The following RBBP7 variants were observed in gnomAD, a reference collection of about 807,000 sequenced individuals.
The protein encoded by RBBP7 is histone-binding protein RBBP7.
A neutral mutation model predicts 35.2 loss-of-function variants in RBBP7; 5 were observed. The observed-to-expected ratio is 0.14, with a 90% CI of 0.07 to 0.30. RBBP7 has a LOEUF of 0.30. Ranked by LOEUF, RBBP7 falls within the 10% of genes least tolerant of loss-of-function variation. RBBP7 has a pLI of 1.00. For synonymous variants in RBBP7, 140 were observed against 118.7 expected (o/e 1.18, Z -1.17); for missense variants, 155 against 327.5 (o/e 0.47, Z 4.07).
chrX:16,859,144 T>A (rs1361548433), intron 3 of RBBP7, among the ~76,000 whole-genome samples: 2 of 112,867 alleles, frequency 1.8e-5, no homozygotes, highest in African/African-American at 6.4e-5. Flanking sequence ...GATATAGTTA[T>A]TCACTGAAAT....
chrX:16,856,308 T>C (rs749646933), intron 5 of RBBP7, among the ~76,000 whole-genome samples: 18 of 111,232 alleles, frequency 1.6e-4, no homozygotes, highest in Non-Finnish European at 2.3e-4. Flanking sequence ...GGCAGGAGGA[T>C]TGCTTGAGCC....
At position 16,863,119 on chromosome X, in the gene RBBP7, A is replaced by G. The variant is rs1432615713; in HGVS notation, c.162-19T>C. ...TTCAGGTCTGTTTAAGAAAGAAAATAAGTCACACTAATCCTACAAGAAATC... is the reference window on the plus strand; with the variant it reads ...TTCAGGTCTGTTTAAGAAAGAAAATGAGTCACACTAATCCTACAAGAAATC... On this transcript the variant is annotated intron_variant, in intron 2 of 11. Transcript: ENST00000380087. 5 of 1,192,810 alleles carry G rather than the reference A, an allele frequency of 4.2e-6. No individual in the cohort carries two copies. Among genetic ancestry groups the G allele is most frequent in the African/African-American group, 1.8e-5 (1 of 56,887 alleles).
intron 4 of RBBP7, among the ~76,000 whole-genome samples, 171 bp downstream of exon 4, chrX:16,858,505 C>A (rs1336207359): frequency 8.9e-6 from 1 of 111,870 alleles, no homozygotes; most frequent in Non-Finnish European, 1.9e-5. Context: ...TTAGTATAAG[C>A]TGCTTTTAGG....
At chrX:16,855,432 A>G (rs965049790) in intron 5 of RBBP7, among the ~76,000 whole-genome samples, 1 of 111,762 alleles carries the variant, frequency 8.9e-6, no homozygotes, top group Admixed American at 9.5e-5. Flanking sequence ...TACACAATAC[A>G]TATGCCCTCA....
At position 16,858,855 on chromosome X, in the gene RBBP7, G is replaced by A; in HGVS notation, c.308-6C>T. ...AGAACCAAAGCCACCAAATTCTAAT[G>A]TGAGGAGAAAGAAACACACACACAC... On this transcript the variant is annotated splice_region_variant and splice_polypyrimidine_tract_variant and intron_variant, in intron 3 of 11. Coordinates refer to ENST00000380087, the MANE Select transcript of RBBP7 (RefSeq NM_002893.4). 1 of 1,209,090 alleles carries A rather than the reference G, an allele frequency of 8.3e-7. No individual in the cohort carries two copies. Among genetic ancestry groups the A allele is most frequent in the Non-Finnish European group, 1.1e-6 (1 of 893,843 alleles).
Position 16,844,957 on chromosome X carries a change from C to T in RBBP7, c.*78G>A. ...CACCCCACTTACATTTCCTACTATA[C>T]AATGCCTTTTTGGCGCTTGATAAAT... On this transcript the variant is annotated 3_prime_UTR_variant, in exon 12 of 12. Coordinates refer to ENST00000380087, the MANE Select transcript of RBBP7 (RefSeq NM_002893.4). 1 of 938,862 alleles carries T rather than the reference C, an allele frequency of 1.1e-6. No individual in the cohort carries two copies. Among genetic ancestry groups the T allele is most frequent in the Non-Finnish European group, 1.5e-6 (1 of 653,479 alleles). 77.4% of individuals were successfully genotyped at this position (938,862 alleles called of 1,213,427 possible).
chrX:16,845,286 C>A lies in RBBP7; in HGVS notation c.1210-183G>T, dbSNP rs140423015. ...AAAATTCTTTGCCAGTGTGTAATTC[C>A]GTATGTATACTTAGCCACCCATCGA... is the stretch of plus-strand genomic sequence containing the variant. On this transcript the variant is annotated intron_variant, in intron 11 of 11. Coordinates refer to ENST00000380087, the MANE Select transcript of RBBP7 (RefSeq NM_002893.4). 9.3e-3 allele frequency among the ~76,000 whole-genome samples: 1,041 copies of A among 112,291 alleles called. 9 individuals carry two copies. Among genetic ancestry groups the A allele is most frequent in the African/African-American group, 0.032 (992 of 30,925 alleles).
chrX:16,865,748 C>T (rs1412465515), intron 2 of RBBP7, among the ~76,000 whole-genome samples: 2 of 112,121 alleles, frequency 1.8e-5, no homozygotes, highest in Non-Finnish European at 3.8e-5. Context: ...ATAAATCTGG[C>T]CTATTGCAAG....
chrX:16,863,377 G>A (rs1930522226), intron 2 of RBBP7, among the ~76,000 whole-genome samples: 1 of 111,529 alleles, frequency 9.0e-6, no homozygotes, highest in Non-Finnish European at 1.9e-5. Flanking sequence ...ACCTTTTATA[G>A]AGCAGCACTC....
At chrX:16,855,829 T>C (rs1184602636) in intron 5 of RBBP7, among the ~76,000 whole-genome samples, 1 of 107,587 alleles carries the variant, frequency 9.3e-6, no homozygotes, top group African/African-American at 3.4e-5. Context: ...AAACTCCATC[T>C]CTACAAAGAA....
chrX:16,854,362 G>T (rs998445872), intron 5 of RBBP7, among the ~76,000 whole-genome samples: 3 of 110,731 alleles, frequency 2.7e-5, no homozygotes, highest in African/African-American at 9.9e-5. Flanking sequence ...TAATGAGGGG[G>T]AGGGGAGACT....
At chrX:16,864,526 C>CA (rs61357554) in intron 2 of RBBP7, among the ~76,000 whole-genome samples, 3,365 of 26,027 alleles carry the variant, frequency 0.13, 121 homozygotes, top group Non-Finnish European at 0.17. Context: ...ACTCCGTCTC[C>CA]AAAAAAAAAA....
intron 5 of RBBP7, among the ~76,000 whole-genome samples, chrX:16,854,271 CAA>C (rs1930291170): frequency 9.0e-6 from 1 of 111,219 alleles, no homozygotes; most frequent in South Asian, 3.8e-4. Flanking sequence ...GAGGTAAACA[CAA>C]GAGAGAAAAT....
chrX:16,849,158 G>A (rs1461944876), intron 10 of RBBP7, 86 bp downstream of exon 10: 20 of 912,635 alleles, frequency 2.2e-5, no homozygotes, highest in East Asian at 6.8e-5. Flanking sequence ...GCTAGAATTC[G>A]AAGTTCTGAC....
chrX:16,866,406 A>G (rs1206599930), intron 2 of RBBP7, among the ~76,000 whole-genome samples: 1 of 106,802 alleles, frequency 9.4e-6, no homozygotes, highest in African/African-American at 3.4e-5. Context: ...CAAACCTGTA[A>G]TCCCAGCTAC....
chrX:16,846,025 T>C, intron 10 of RBBP7, 87 bp from the exon 11 acceptor site: 2 of 1,121,944 alleles, frequency 1.8e-6, no homozygotes, highest in Non-Finnish European at 2.4e-6. Context: ...GAGCTATCAG[T>C]ATTTCAACTG....
intron 1 of RBBP7, chrX:16,869,446 C>T: frequency 1.7e-6 from 2 of 1,154,484 alleles, no homozygotes; most frequent in Non-Finnish European, 2.3e-6. Context: ...GTTGGGTAGT[C>T]AATTACACGG....
chrX:16,860,685 G>GA (rs1316799740), intron 3 of RBBP7, among the ~76,000 whole-genome samples: 72 of 62,267 alleles, frequency 1.2e-3, no homozygotes, highest in Middle Eastern at 0.01. Context: ...AAAAAAAAAA[G>GA]AAAAAAAAAA....
rs1301439996 is a variant in RBBP7 at position 16,870,349 on chromosome X, G to A, written c.-296C>T. On this transcript the variant is annotated 5_prime_UTR_variant, in exon 1 of 12. Transcript: ENST00000380087. ...CAGGCAGCTGAGCGCAGGCGCATCC[G>A]CCCTGGGAAAAGTGAGAGGAGGCGG... is the stretch of plus-strand genomic sequence containing the variant. The A allele has an allele frequency of 3.1e-5, 5 of 162,703 alleles. No homozygotes were observed. The highest frequency in any genetic ancestry group is 1.2e-4 in the African/African-American group (4 of 32,534). The allele number at this position is 162,703 out of a possible 1,213,427, so 13.4% of individuals were successfully genotyped here.
Sources: gnomAD v4.1 joint callset for allele counts (sites outside exome capture counted in the v4.1 genomes callset) on GRCh38, gnomAD v4.1.1 for gene constraint, MANE v1.5 for transcripts, NCBI Gene and HGNC (gene_info 2026-07-23, HGNC 2026-07-21) for gene names.